The following COL15A1 variants were observed in gnomAD, a reference collection of about 807,000 sequenced individuals.
COL15A1 encodes collagen alpha-1(XV) chain.
COL15A1 carries 111 observed loss-of-function variants against 165.9 expected under a neutral mutation model. That is an observed-to-expected ratio of 0.67 (90% CI 0.57 to 0.78). COL15A1 has a LOEUF of 0.78. Among genes scored for constraint, COL15A1 ranks in the 30% least tolerant of loss-of-function variants. The probability of loss-of-function intolerance (pLI) is 0.00; values close to 1 mark genes in which losing one functional copy is unlikely to be tolerated. For missense variants in COL15A1, 1,745 were observed against 1,789.7 expected, an observed-to-expected ratio of 0.98 and a Z score of 0.45; for synonymous variants, 659 against 674.8, an observed-to-expected ratio of 0.98 and a Z score of 0.36.
At chr9:98,978,914 T>C (rs2118863675) in intron 2 of COL15A1, among the ~76,000 whole-genome samples, 1 of 152,244 alleles carries the variant, frequency 6.6e-6, no homozygotes, top group African/African-American at 2.4e-5. Context: ...TATTGTAATA[T>C]ACCATATATA....
Position 99,032,586 on chromosome 9 carries a change from T to C in COL15A1, c.2044-1963T>C, listed in dbSNP as rs77441060. Among the ~76,000 whole-genome samples the C allele has an allele frequency of 3.3e-5, 5 of 152,240 alleles. No homozygotes were observed. The East Asian group carries it at 7.7e-4, about 23-fold the overall frequency. ...GGGTGCCTTTTAATCTGGAGACTTC[T>C]GTGTTTTTTCAGAAAATTTAAACAC... On this transcript the variant is annotated intron_variant, in intron 16 of 41. Coordinates refer to ENST00000375001, the MANE Select transcript of COL15A1 (RefSeq NM_001855.5).
intron 35 of COL15A1, among the ~76,000 whole-genome samples, chr9:99,059,443 T>G (rs1036369291): frequency 6.6e-6 from 1 of 152,224 alleles, no homozygotes; most frequent in African/African-American, 2.4e-5. Context: ...CTACTGTCAC[T>G]GCACCACCCT....
At chr9:98,971,043 T>A in intron 2 of COL15A1, among the ~76,000 whole-genome samples, 1 of 152,306 alleles carries the variant, frequency 6.6e-6, no homozygotes, top group South Asian at 2.1e-4. Flanking sequence ...TCCTGTGTGT[T>A]AGGGGGCCAA....
At chr9:99,000,496 C>G (rs1029339069) in intron 6 of COL15A1, among the ~76,000 whole-genome samples, 1 of 151,966 alleles carries the variant, frequency 6.6e-6, no homozygotes, top group African/African-American at 2.4e-5. Flanking sequence ...TTACTATATG[C>G]CAGGGGCTGT....
intron 39 of COL15A1, among the ~76,000 whole-genome samples, chr9:99,064,129 A>G (rs1825859311): frequency 6.6e-6 from 1 of 152,074 alleles, no homozygotes; most frequent in South Asian, 2.1e-4. Flanking sequence ...ACACATATAT[A>G]GGTGACATGA....
chr9:98,972,903 G>A (rs1011022959), intron 2 of COL15A1, among the ~76,000 whole-genome samples: 4 of 152,248 alleles, frequency 2.6e-5, no homozygotes, highest in Non-Finnish European at 5.9e-5. Context: ...GTAACAGGCA[G>A]AGCCCAGCTT....
At chr9:99,038,224 C>T (rs1225358446) in intron 21 of COL15A1, among the ~76,000 whole-genome samples, 2 of 152,124 alleles carry the variant, frequency 1.3e-5, no homozygotes, top group Admixed American at 6.5e-5. Context: ...GGCTCTTTGG[C>T]AGTCTTTTAA....
intron 11 of COL15A1, among the ~76,000 whole-genome samples, chr9:99,018,184 A>G (rs552504002): frequency 6.6e-6 from 1 of 152,308 alleles, no homozygotes; most frequent in South Asian, 2.1e-4. Context: ...TTTGTTTTAA[A>G]ATACCTCTTT....
intron 39 of COL15A1, among the ~76,000 whole-genome samples, chr9:99,065,731 C>T (rs1825881063): frequency 6.7e-6 from 1 of 149,546 alleles, no homozygotes; most frequent in Non-Finnish European, 1.5e-5. Flanking sequence ...GAGCAGGTGG[C>T]AGCCTTGGGG....
At chr9:98,983,254 T>C (rs1838258986) in intron 2 of COL15A1, among the ~76,000 whole-genome samples, 1 of 152,154 alleles carries the variant, frequency 6.6e-6, no homozygotes, top group Admixed American at 6.6e-5. Context: ...AGCCACTAAG[T>C]ATACATACCC....
At position 98,985,627 on chromosome 9, in the gene COL15A1, G is replaced by A. The variant is rs367883631; in HGVS notation, c.163G>A (p.Val55Ile). The A allele has an allele frequency of 4.3e-5, 70 of 1,614,108 alleles. No homozygotes were observed. Among genetic ancestry groups the A allele is most frequent in the African/African-American group, 3.7e-4 (28 of 74,940 alleles). ...CATCGGTGTCCCGCTGCCCTCGTCC[G>A]TATCCTTTGTCACAGGCTATGGTGG... Reference protein sequence around the residue: ...QLIGVPLPSSVSFVTGYGGFP... With the variant: ...QLIGVPLPSSISFVTGYGGFP... The change falls in exon 3 of 42, where the codon GTA becomes ATA. Residue 55 changes from valine (V) to isoleucine (I), a missense_variant. Physicochemically the swap from Val to Ile is conservative, Grantham distance 29 (BLOSUM62 3). Coordinates refer to ENST00000375001, the MANE Select transcript of COL15A1 (RefSeq NM_001855.5).
At chr9:98,966,957 A>T (rs4743300) in intron 2 of COL15A1, among the ~76,000 whole-genome samples, 56,603 of 152,050 alleles carry the variant, frequency 0.37, 11,470 homozygotes, top group East Asian at 0.78. Context: ...CAATCACGCT[A>T]GTCTAGAGTC....
At position 98,989,204 on chromosome 9, in the gene COL15A1, G is replaced by C. The variant is rs750869805; in HGVS notation, c.750G>C (p.Gln250His). ...CATCTGGAGAGACCAGTGGGCTGCA[G>C]GAGGCAGACGGAGTAGCTGAGATCT... Reference protein sequence around the residue: ...SSASGETSGLQEADGVAEILE... With the variant: ...SSASGETSGLHEADGVAEILE... Residue 250 changes from glutamine to histidine, a missense_variant, in exon 5 of 42, where the codon CAG (glutamine) becomes CAC (histidine). Transcript: ENST00000375001. 5 of 1,614,210 alleles carry C rather than the reference G, an allele frequency of 3.1e-6. No individual in the cohort carries two copies. Among genetic ancestry groups the C allele is most frequent in the South Asian group, 1.1e-5 (1 of 91,086 alleles).
chr9:99,009,915 T>A (rs1006951780), intron 9 of COL15A1, among the ~76,000 whole-genome samples: 2 of 152,236 alleles, frequency 1.3e-5, no homozygotes, highest in East Asian at 3.8e-4. Context: ...ACCTTGTTAA[T>A]CTGACACAGG....
intron 2 of COL15A1, among the ~76,000 whole-genome samples, chr9:98,983,482 G>A (rs931487586): frequency 2.6e-5 from 4 of 152,094 alleles, no homozygotes; most frequent in East Asian, 3.8e-4. Flanking sequence ...GCATAACCTC[G>A]GGCCAGTCAT....
intron 2 of COL15A1, among the ~76,000 whole-genome samples, chr9:98,984,549 C>G (rs138700041): frequency 6.6e-6 from 1 of 152,290 alleles, no homozygotes; most frequent in East Asian, 1.9e-4. Context: ...TACCTAACCT[C>G]ATAGGTTTGT....
intron 2 of COL15A1, among the ~76,000 whole-genome samples, chr9:98,944,622 G>A (rs773496842): frequency 6.6e-6 from 1 of 152,280 alleles, no homozygotes; most frequent in Admixed American, 6.5e-5. Flanking sequence ...CTTCTGGTAA[G>A]GGCAGGTCTG....
At chr9:98,968,917 T>C (rs1335770277) in intron 2 of COL15A1, among the ~76,000 whole-genome samples, 2 of 152,184 alleles carry the variant, frequency 1.3e-5, no homozygotes, top group African/African-American at 4.8e-5. Context: ...CCTATTAAGC[T>C]ATACTGGCTA....
At chr9:98,949,254 T>C (rs1837639456) in intron 2 of COL15A1, among the ~76,000 whole-genome samples, 1 of 152,270 alleles carries the variant, frequency 6.6e-6, no homozygotes, top group Non-Finnish European at 1.5e-5. Context: ...AATAGTCCAT[T>C]GCATTAGCAT....
Sources: gnomAD v4.1 joint callset for allele counts (sites outside exome capture counted in the v4.1 genomes callset) on GRCh38, gnomAD v4.1.1 for gene constraint, MANE v1.5 for transcripts, NCBI Gene and HGNC (gene_info 2026-07-23, HGNC 2026-07-21) for gene names.